Variants in JKAMP observed in about 807,000 individuals in gnomAD.
The protein encoded by JKAMP is JNK1/MAPK8 associated membrane protein, also known as JNK1/MAPK8-associated membrane protein.
JKAMP carries 20 observed loss-of-function variants against 40.2 expected under a neutral mutation model. That is an observed-to-expected ratio of 0.50 (90% CI 0.35 to 0.72). The LOEUF (loss-of-function observed/expected upper bound fraction) is 0.72, where lower values mean the gene tolerates loss of function less well. JKAMP is among the 30% of genes least tolerant of loss of function. The pLI is 0.01. For synonymous variants in JKAMP, 138 were observed against 131.6 expected (o/e 1.05, Z -0.33); for missense variants, 276 against 373.0 (o/e 0.74, Z 2.14).
At position 59,486,299 on chromosome 14, in the gene JKAMP, TG is replaced by T. The variant is rs749341131; in HGVS notation, c.5-413del. ...TGAACATAGGTGATAATGATAATTG[TG>T]TGTCTACATGTGGGTGCTTAATGTC... On this transcript the variant is annotated intron_variant, in intron 1 of 6. Coordinates refer to ENST00000616435, the MANE Select transcript of JKAMP (RefSeq NM_016475.5). 1.3e-4 allele frequency among the ~76,000 whole-genome samples: 20 copies of T among 152,384 alleles called. 2 individuals are homozygous for T. The highest frequency in any genetic ancestry group is 8.5e-4 in the Admixed American group (13 of 15,310).
rs748608050 is a variant in JKAMP, at chr14:59,498,751, C to T, written c.483C>T (p.Tyr161=). The T allele has an allele frequency of 3.5e-5, 55 of 1,570,068 alleles. No homozygotes were observed. Among genetic ancestry groups the T allele is most frequent in the Admixed American group, 1.4e-4 (8 of 57,724 alleles). ...YPLYTIVFIY[Y]AFCLVLMMLL... ...GATATACCATTGTATTTATCTATTA[C>T]GCATTCTGCTTGGTATTAATGATGC... is the stretch of plus-strand genomic sequence containing the variant. The change falls in exon 5 of 7, where the codon TAC becomes TAT. Residue 161 remains tyrosine (Y), a synonymous_variant. Coordinates refer to ENST00000616435, the MANE Select transcript of JKAMP (RefSeq NM_016475.5).
intron 1 of JKAMP, 141 bp downstream of exon 1, chr14:59,484,734 C>A: frequency 2.7e-6 from 3 of 1,127,910 alleles, no homozygotes; most frequent in Admixed American, 2.2e-5. Flanking sequence ...CGCCCTCGGG[C>A]CGGGCTCCGC....
Position 59,504,283 on chromosome 14 carries a change from T to C in JKAMP, c.*211T>C, listed in dbSNP as rs188117772. Reference sequence around the variant, plus strand: ...TAATACTCTGTTACACAGGGTAATATTATCTGCTACACTGGAAGGCCGCTA... The same window carrying C: ...TAATACTCTGTTACACAGGGTAATACTATCTGCTACACTGGAAGGCCGCTA... On this transcript the variant is annotated 3_prime_UTR_variant, in exon 7 of 7. Transcript: ENST00000616435. 4 of 545,284 alleles carry C rather than the reference T, an allele frequency of 7.3e-6. No homozygotes were observed. The highest frequency in any genetic ancestry group is 6.7e-5 in the Admixed American group (2 of 29,890). The allele number at this position is 545,284 out of a possible 1,614,324, so 33.8% of individuals were successfully genotyped here.
rs1051573975 is a variant in JKAMP, at chr14:59,486,186, T to G, written c.5-527T>G. Among the ~76,000 whole-genome samples the G allele has an allele frequency of 3.3e-5, 5 of 152,328 alleles. No homozygotes were observed. In the South Asian group the frequency reaches 1.0e-3, roughly 32 times the overall value. ...AAAAATGATAAAAGCTAGGACAATGTAGGAAACTTTTTATAAAGGTAATTT... is the reference window on the plus strand; with the variant it reads ...AAAAATGATAAAAGCTAGGACAATGGAGGAAACTTTTTATAAAGGTAATTT... On this transcript the variant is annotated intron_variant, in intron 1 of 6. Coordinates refer to ENST00000616435, the MANE Select transcript of JKAMP (RefSeq NM_016475.5).
Position 59,504,617 on chromosome 14 carries a change from A to C in JKAMP, c.*545A>C, listed in dbSNP as rs143938359. 6.5e-6 allele frequency: 1 copy of C among 152,784 alleles called. No homozygotes were observed. The highest frequency in any genetic ancestry group is 6.5e-5 in the Admixed American group (1 of 15,284). The allele number at this position is 152,784 out of a possible 1,614,324, so 9.5% of individuals were successfully genotyped here. A position where few individuals can be genotyped will look rare whatever the true frequency, so the allele number is the denominator to read the frequency against. ...ATTGCAAAAATAGATAATAATTTAT[A>C]TAACAGGTTTTCTGTTTATAGATTG... On this transcript the variant is annotated 3_prime_UTR_variant, in exon 7 of 7. Transcript: ENST00000616435.
At chr14:59,494,440 A>G (rs1418478768) in intron 3 of JKAMP, among the ~76,000 whole-genome samples, 2 of 152,062 alleles carry the variant, frequency 1.3e-5, no homozygotes, top group African/African-American at 4.8e-5. Flanking sequence ...TTTTGAGTAG[A>G]AAAAAAATCT....
chr14:59,501,430 T>A (rs533776460), intron 6 of JKAMP, among the ~76,000 whole-genome samples, 163 bp downstream of exon 6: 2 of 152,328 alleles, frequency 1.3e-5, no homozygotes, highest in African/African-American at 4.8e-5. Context: ...TATGAAAAGT[T>A]GTGTACTGGA....
chr14:59,501,036 T>C (rs1566582687), intron 5 of JKAMP, 155 bp from the exon 6 acceptor site: 5 of 567,322 alleles, frequency 8.8e-6, no homozygotes, highest in Non-Finnish European at 1.5e-5. Flanking sequence ...CAGAAAAAGC[T>C]TGCTGGCCAC....
intron 6 of JKAMP, among the ~76,000 whole-genome samples, chr14:59,501,980 A>G (rs551146989): frequency 6.6e-6 from 1 of 152,312 alleles, no homozygotes; most frequent in East Asian, 1.9e-4. Context: ...CATAACGTTT[A>G]TATTTTCAAA....
chr14:59,492,526 A>G (rs946013400), intron 3 of JKAMP, among the ~76,000 whole-genome samples: 1 of 152,206 alleles, frequency 6.6e-6, no homozygotes, highest in Non-Finnish European at 1.5e-5. Context: ...CAAGAAAGCC[A>G]AACCATGGTA....
chr14:59,498,950 G>C (rs761404229), intron 5 of JKAMP, 42 bp downstream of exon 5: 6 of 944,218 alleles, frequency 6.4e-6, no homozygotes, highest in Non-Finnish European at 7.1e-6. Context: ...ATTTATTATT[G>C]TATGTAGTAA....
intron 3 of JKAMP, among the ~76,000 whole-genome samples, chr14:59,493,856 G>T (rs1891218609): frequency 6.6e-6 from 1 of 152,056 alleles, no homozygotes; most frequent in African/African-American, 2.4e-5. Flanking sequence ...ATAGATAAAT[G>T]GACTCAAGAA....
At chr14:59,495,255 T>G (rs1232341574) in intron 4 of JKAMP, 31 bp downstream of exon 4, 16 of 1,318,614 alleles carry the variant, frequency 1.2e-5, no homozygotes, top group Non-Finnish European at 1.5e-5. Context: ...AAGATCATTG[T>G]TTTTTTTTAA....
At chr14:59,485,528 G>A (rs1180828398) in intron 1 of JKAMP, 1 of 161,262 alleles carries the variant, frequency 6.2e-6, no homozygotes, top group Non-Finnish European at 1.3e-5. Context: ...TGTAGACCAG[G>A]CAGTCTAGAT....
At position 59,505,372 on chromosome 14, in the gene JKAMP, G is replaced by T. The variant is rs1009929388; in HGVS notation, c.*1300G>T. ...TATTTGTATTGCACACATTTGGGGG[G>T]TTATTAGTGTTCATTAAAATTCTGA... On this transcript the variant is annotated 3_prime_UTR_variant, in exon 7 of 7. Coordinates refer to ENST00000616435, the MANE Select transcript of JKAMP (RefSeq NM_016475.5). The T allele has an allele frequency of 4.5e-6, 4 of 893,256 alleles. No individual in the cohort carries two copies. The highest frequency in any genetic ancestry group is 3.5e-4 in the Middle Eastern group (1 of 2,818). 55.3% of individuals were successfully genotyped at this position (893,256 alleles called of 1,614,324 possible). A position where few individuals can be genotyped will look rare whatever the true frequency, so the allele number is the denominator to read the frequency against.
intron 2 of JKAMP, 158 bp from the exon 3 acceptor site, chr14:59,487,516 C>G: frequency 1.8e-6 from 1 of 562,122 alleles, no homozygotes; most frequent in Non-Finnish European, 3.1e-6. Flanking sequence ...ATATAGATTT[C>G]TTTTTATTTT....
chr14:59,490,849 A>G (rs1343750887), intron 3 of JKAMP, among the ~76,000 whole-genome samples: 1 of 152,232 alleles, frequency 6.6e-6, no homozygotes, highest in Non-Finnish European at 1.5e-5. Context: ...CACAGTAAAG[A>G]AGAGCTAACA....
At chr14:59,497,271 G>A (rs950832775) in intron 4 of JKAMP, among the ~76,000 whole-genome samples, 1 of 152,166 alleles carries the variant, frequency 6.6e-6, no homozygotes, top group Non-Finnish European at 1.5e-5. Flanking sequence ...ATGAGTTATG[G>A]AAAATGAGCA....
intron 4 of JKAMP, among the ~76,000 whole-genome samples, chr14:59,497,943 T>C (rs909352891): frequency 6.6e-4 from 101 of 152,182 alleles, no homozygotes; most frequent in African/African-American, 2.1e-3. Context: ...TTGAAAATAC[T>C]CAGGAAAATT....
Sources: gnomAD v4.1 joint callset for allele counts (sites outside exome capture counted in the v4.1 genomes callset) on GRCh38, gnomAD v4.1.1 for gene constraint, MANE v1.5 for transcripts, NCBI Gene and HGNC (gene_info 2026-07-23, HGNC 2026-07-21) for gene names.